COL25A1: variants seen among roughly 807,000 people sequenced by gnomAD.
COL25A1 encodes collagen type XXV alpha 1 chain, also known as collagen alpha-1(XXV) chain.
A neutral mutation model predicts 128.4 loss-of-function variants in COL25A1; 103 were observed. The observed-to-expected ratio is 0.80, with a 90% confidence interval of 0.68 to 0.94. COL25A1 has a LOEUF of 0.94. COL25A1 is among the 40% of genes least tolerant of loss of function. COL25A1 has a pLI of 0.00. For missense variants in COL25A1, 745 were observed against 840.0 expected (o/e 0.89, Z 1.40); for synonymous variants, 279 against 277.2 (o/e 1.01, Z -0.06).
Position 109,178,239 on chromosome 4 carries a change from G to A in COL25A1, c.367+122344C>T, listed in dbSNP as rs147938591. Among the ~76,000 whole-genome samples the A allele has an allele frequency of 5.9e-5, 9 of 152,206 alleles. No individual in the cohort carries two copies. The East Asian group carries it at 1.4e-3, about 23-fold the overall frequency. The stretch of plus-strand genomic sequence containing the variant: ...AAGAGGGAATTGCCAAATACATTTC[G>A]CCTAAAGAATCAAAATGCTAAAAAC... On this transcript the variant is annotated intron_variant, in intron 3 of 37. Coordinates refer to ENST00000399132, the MANE Select transcript of COL25A1 (RefSeq NM_198721.4).
chr4:108,820,200 A>G (rs1458079729), intron 35 of COL25A1, among the ~76,000 whole-genome samples: 2 of 152,224 alleles, frequency 1.3e-5, no homozygotes, highest in African/African-American at 4.8e-5. Flanking sequence ...TCTGAGTCAC[A>G]GATCCTGTGA....
At chr4:108,878,188 T>C (rs1257832184) in intron 19 of COL25A1, among the ~76,000 whole-genome samples, 1 of 152,144 alleles carries the variant, frequency 6.6e-6, no homozygotes, top group Non-Finnish European at 1.5e-5. Flanking sequence ...ACCATTTGTT[T>C]TATTTTTATA....
At chr4:109,136,215 T>C (rs543192565) in intron 3 of COL25A1, among the ~76,000 whole-genome samples, 2 of 152,160 alleles carry the variant, frequency 1.3e-5, no homozygotes, top group Admixed American at 1.3e-4. Flanking sequence ...CTGGCCAACA[T>C]GGTGAAACCC....
chr4:109,262,117 T>G (rs553868800), intron 3 of COL25A1, among the ~76,000 whole-genome samples: 9 of 152,310 alleles, frequency 5.9e-5, no homozygotes, highest in Non-Finnish European at 7.4e-5. Context: ...TGGGCCAGCA[T>G]CACCTTGATT....
At chr4:109,197,914 G>A (rs1776251595) in intron 3 of COL25A1, among the ~76,000 whole-genome samples, 1 of 151,964 alleles carries the variant, frequency 6.6e-6, no homozygotes, top group South Asian at 2.1e-4. Context: ...AAACTAAGAT[G>A]AATAATATAC....
chr4:108,832,472 C>T (rs762836117), intron 31 of COL25A1, 39 bp from the exon 32 acceptor site: 5 of 1,336,476 alleles, frequency 3.7e-6, no homozygotes, highest in Non-Finnish European at 5.3e-6. Flanking sequence ...ACAAGGGCTG[C>T]AAGAATAGCA....
chr4:108,855,505 A>C (rs1213213322), intron 24 of COL25A1, among the ~76,000 whole-genome samples: 3 of 152,096 alleles, frequency 2.0e-5, no homozygotes, highest in Admixed American at 1.3e-4. Flanking sequence ...AGAAAACAGG[A>C]TCATAAAGCC....
chr4:109,300,554 G>A (rs771867930), intron 3 of COL25A1, 29 bp downstream of exon 3: 1 of 1,490,494 alleles, frequency 6.7e-7, no homozygotes, highest in East Asian at 2.3e-5. Flanking sequence ...TGCTCTGGAG[G>A]AAACCTTGTT....
intron 24 of COL25A1, among the ~76,000 whole-genome samples, chr4:108,855,191 G>GTTTTTTTTTTTTTTTTT (rs35873529): frequency 7.6e-6 from 1 of 131,948 alleles, no homozygotes; most frequent in Non-Finnish European, 1.6e-5. Flanking sequence ...TGTTGTTACT[G>GTTTTTTTTTTTTTTTTT]TTTTTTTTTT....
chr4:109,044,545 A>G (rs1760238116), intron 5 of COL25A1, among the ~76,000 whole-genome samples: 1 of 152,150 alleles, frequency 6.6e-6, no homozygotes, highest in African/African-American at 2.4e-5. Context: ...AAAGTGAATG[A>G]CAGCAAAATA....
intron 3 of COL25A1, among the ~76,000 whole-genome samples, chr4:109,119,357 C>T (rs1053988873): frequency 6.6e-6 from 1 of 151,584 alleles, no homozygotes; most frequent in South Asian, 2.1e-4. Context: ...AATAAAAGAG[C>T]AGAAAGTAAA....
Position 109,278,580 on chromosome 4 carries a change from A to T in COL25A1, c.367+22003T>A, listed in dbSNP as rs1043526881. On this transcript the variant is annotated intron_variant, in intron 3 of 37. Transcript: ENST00000399132. ...ATGAAATGTATTCTTATGAAAATTT[A>T]CAATACAATACACTGAGTACTTAGG... Among the ~76,000 whole-genome samples the T allele has an allele frequency of 2.6e-5, 4 of 152,236 alleles. No individual in the cohort carries two copies. In the East Asian group the frequency reaches 7.7e-4, roughly 29 times the overall value.
intron 3 of COL25A1, among the ~76,000 whole-genome samples, chr4:109,059,844 T>G (rs544901396): frequency 6.6e-6 from 1 of 152,320 alleles, no homozygotes; most frequent in Admixed American, 6.5e-5. Context: ...ACTTGGCACA[T>G]AGTTAAATGT....
chr4:108,958,708 T>C (rs151302109), intron 8 of COL25A1, among the ~76,000 whole-genome samples: 118 of 152,186 alleles, frequency 7.8e-4, no homozygotes, highest in African/African-American at 2.6e-3. Context: ...GGTTATTCTA[T>C]CTACAACTGT....
chr4:109,113,609 C>T (rs541875388), intron 3 of COL25A1, among the ~76,000 whole-genome samples: 2 of 140,966 alleles, frequency 1.4e-5, no homozygotes, highest in South Asian at 4.5e-4. Context: ...AACTAAATAG[C>T]TGTTTATGGT....
At chr4:109,297,490 G>T (rs1725081615) in intron 3 of COL25A1, among the ~76,000 whole-genome samples, 1 of 151,998 alleles carries the variant, frequency 6.6e-6, no homozygotes. Context: ...TGCAATTTTT[G>T]TAAGAATAAT....
At chr4:109,182,186 G>T (rs1408828488) in intron 3 of COL25A1, among the ~76,000 whole-genome samples, 1 of 152,058 alleles carries the variant, frequency 6.6e-6, no homozygotes, top group Non-Finnish European at 1.5e-5. Context: ...TTATGAGGTG[G>T]TGATTTTCTT....
At chr4:109,281,449 A>AT (rs938821164) in intron 3 of COL25A1, among the ~76,000 whole-genome samples, 3 of 151,170 alleles carry the variant, frequency 2.0e-5, no homozygotes, top group Non-Finnish European at 4.4e-5. Context: ...AATAAACAAG[A>AT]TTTTTTTTGA....
intron 3 of COL25A1, among the ~76,000 whole-genome samples, chr4:109,234,461 A>G (rs1215505717): frequency 6.6e-6 from 1 of 152,096 alleles, no homozygotes; most frequent in Non-Finnish European, 1.5e-5. Context: ...GTCTATGTCA[A>G]TTTGGTTTGT....
Sources: gnomAD v4.1 joint callset for allele counts (sites outside exome capture counted in the v4.1 genomes callset) on GRCh38, gnomAD v4.1.1 for gene constraint, MANE v1.5 for transcripts, NCBI Gene and HGNC (gene_info 2026-07-23, HGNC 2026-07-21) for gene names.